Variants in GALNT17 observed in about 807,000 individuals in gnomAD.
GALNT17 encodes polypeptide N-acetylgalactosaminyltransferase 17.
Under a neutral mutation model 63.7 loss-of-function variants are expected in GALNT17, and 29 were observed. The observed-to-expected ratio is 0.46, with a 90% CI of 0.34 to 0.62. The LOEUF (loss-of-function observed/expected upper bound fraction) is 0.62. GALNT17 is among the 20% of genes least tolerant of loss of function. GALNT17 has a pLI of 0.01. For synonymous variants in GALNT17, 305 were observed against 318.3 expected, an observed-to-expected ratio of 0.96 and a Z score of 0.45; for missense variants, 603 against 799.6, an observed-to-expected ratio of 0.75 and a Z score of 2.97.
chr7:71,515,271 C>T (rs1352406932), intron 5 of GALNT17, among the ~76,000 whole-genome samples: 1 of 152,140 alleles, frequency 6.6e-6, no homozygotes, highest in African/African-American at 2.4e-5. Context: ...CATTGCATTT[C>T]TGGGACTACA....
intron 1 of GALNT17, among the ~76,000 whole-genome samples, chr7:71,232,330 A>G (rs552936685): frequency 1.7e-4 from 26 of 152,148 alleles, no homozygotes; most frequent in African/African-American, 6.0e-4. Context: ...AAGATTGAAC[A>G]CCTTTTGGGA....
intron 1 of GALNT17, among the ~76,000 whole-genome samples, chr7:71,293,010 G>A (rs1413156029): frequency 6.6e-6 from 1 of 151,984 alleles, no homozygotes; most frequent in Non-Finnish European, 1.5e-5. Flanking sequence ...CCATGTGGTC[G>A]CAAATGGCAG....
intron 5 of GALNT17, among the ~76,000 whole-genome samples, chr7:71,486,387 A>G (rs1404536219): frequency 2.2e-5 from 3 of 139,402 alleles, no homozygotes; most frequent in East Asian, 2.1e-4. Context: ...AATAATAATA[A>G]TAGTAAATAA....
At chr7:71,579,960 G>C (rs1328043328) in intron 6 of GALNT17, among the ~76,000 whole-genome samples, 1 of 151,964 alleles carries the variant, frequency 6.6e-6, no homozygotes, top group Non-Finnish European at 1.5e-5. Context: ...GATAGATAGA[G>C]GGATGATAGA....
Position 71,630,295 on chromosome 7 carries a change from A to T in GALNT17, c.1081-35116A>T, listed in dbSNP as rs567258668. On this transcript the variant is annotated intron_variant, in intron 6 of 10. Transcript: ENST00000333538. Reference sequence around the variant, plus strand: ...CTTACAAGGACCATTAAGGCTCAAGATAAGGAACAGCCTTCGCTTGGCAAA... The same window carrying T: ...CTTACAAGGACCATTAAGGCTCAAGTTAAGGAACAGCCTTCGCTTGGCAAA... 2.1e-4 allele frequency among the ~76,000 whole-genome samples: 32 copies of T among 152,330 alleles called. No homozygotes were observed. In the South Asian group the frequency reaches 6.4e-3, roughly 31 times the overall value.
chr7:71,566,442 A>G (rs1789348278), intron 5 of GALNT17, among the ~76,000 whole-genome samples: 1 of 151,910 alleles, frequency 6.6e-6, no homozygotes, highest in Non-Finnish European at 1.5e-5. Flanking sequence ...TTTTGGGGAG[A>G]TTTTTTGTAA....
At chr7:71,397,439 A>T (rs537492036) in intron 3 of GALNT17, among the ~76,000 whole-genome samples, 1 of 152,232 alleles carries the variant, frequency 6.6e-6, no homozygotes, top group East Asian at 1.9e-4. Flanking sequence ...GAGAGATACG[A>T]GATATGATAC....
At chr7:71,416,834 C>G (rs1421215635) in intron 4 of GALNT17, among the ~76,000 whole-genome samples, 1 of 152,146 alleles carries the variant, frequency 6.6e-6, no homozygotes, top group Admixed American at 6.5e-5. Flanking sequence ...TCTTTCACAT[C>G]ATTCGGAGGA....
chr7:71,661,332 C>G (rs1357869576), intron 6 of GALNT17, among the ~76,000 whole-genome samples: 1 of 152,140 alleles, frequency 6.6e-6, no homozygotes, highest in Non-Finnish European at 1.5e-5. Flanking sequence ...GTTTCCTCAT[C>G]TGTGATAAGC....
chr7:71,670,818 G>T (rs181933609), intron 8 of GALNT17, among the ~76,000 whole-genome samples: 1 of 151,952 alleles, frequency 6.6e-6, no homozygotes, highest in African/African-American at 2.4e-5. Context: ...CAAAGCCAAG[G>T]TTGGACTTGG....
intron 5 of GALNT17, among the ~76,000 whole-genome samples, chr7:71,506,881 C>A (rs1788277781): frequency 6.6e-6 from 1 of 152,334 alleles, no homozygotes; most frequent in East Asian, 1.9e-4. Flanking sequence ...AAAGTAATGG[C>A]AAAACCGCAG....
intron 3 of GALNT17, among the ~76,000 whole-genome samples, chr7:71,409,175 G>A (rs76955306): frequency 0.033 from 4,943 of 152,084 alleles, 138 homozygotes; most frequent in East Asian, 0.12. Flanking sequence ...CAAGTAGGTC[G>A]TAGGCAGTGG....
At chr7:71,216,613 C>G (rs867896246) in intron 1 of GALNT17, among the ~76,000 whole-genome samples, 5 of 123,096 alleles carry the variant, frequency 4.1e-5, no homozygotes, top group Non-Finnish European at 7.0e-5. Context: ...CACATACACA[C>G]AGACACACAC....
At chr7:71,688,176 C>A (rs1791389547) in intron 9 of GALNT17, among the ~76,000 whole-genome samples, 1 of 152,172 alleles carries the variant, frequency 6.6e-6, no homozygotes. Context: ...TAAAACCTCT[C>A]CTTTTGCATT....
chr7:71,162,123 C>CCGT (rs1788357249), intron 1 of GALNT17, among the ~76,000 whole-genome samples: 2 of 53,780 alleles, frequency 3.7e-5, no homozygotes, highest in Non-Finnish European at 6.2e-5. Context: ...CTCCCTCCCT[C>CCGT]CCTTCCTTCC....
intron 6 of GALNT17, among the ~76,000 whole-genome samples, chr7:71,632,087 TAA>T (rs979544441): frequency 7.6e-6 from 1 of 131,752 alleles, no homozygotes. Flanking sequence ...ATGTTTAGTC[TAA>T]AAAAAAAAAG....
chr7:71,231,372 A>C (rs951982465), intron 1 of GALNT17, among the ~76,000 whole-genome samples: 1 of 152,130 alleles, frequency 6.6e-6, no homozygotes, highest in Non-Finnish European at 1.5e-5. Context: ...GGATGGGCTC[A>C]GGAATCTGCA....
chr7:71,386,388 C>T (rs780573284), intron 2 of GALNT17, among the ~76,000 whole-genome samples: 14 of 152,144 alleles, frequency 9.2e-5, no homozygotes, highest in Non-Finnish European at 1.9e-4. Context: ...TTCCGTTGTG[C>T]TATATATTGT....
chr7:71,571,506 A>T, intron 6 of GALNT17, 104 bp downstream of exon 6: 1 of 908,944 alleles, frequency 1.1e-6, no homozygotes, highest in Non-Finnish European at 1.8e-6. Flanking sequence ...CTGATGAATG[A>T]CAGATTCATT....
Sources: gnomAD v4.1 joint callset for allele counts (sites outside exome capture counted in the v4.1 genomes callset) on GRCh38, gnomAD v4.1.1 for gene constraint, MANE v1.5 for transcripts, NCBI Gene and HGNC (gene_info 2026-07-23, HGNC 2026-07-21) for gene names.